Variants in EHBP1 observed in about 807,000 individuals in gnomAD.
The protein encoded by EHBP1 is EH domain binding protein 1.
EHBP1 carries 55 observed loss-of-function variants against 144.0 expected under a neutral mutation model. The observed-to-expected ratio is 0.38, with a 90% CI of 0.31 to 0.48. The LOEUF (loss-of-function observed/expected upper bound fraction) is 0.48. Ranked by LOEUF, EHBP1 falls within the 20% of genes least tolerant of loss-of-function variation. The pLI, the probability that EHBP1 is intolerant of heterozygous loss-of-function variation, is 0.98. For missense variants in EHBP1, 1,200 were observed against 1,364.2 expected (o/e 0.88, Z 1.90); for synonymous variants, 469 against 472.7 (o/e 0.99, Z 0.10).
chr2:62,875,443 A>G (rs2050814480), intron 10 of EHBP1, among the ~76,000 whole-genome samples: 1 of 152,246 alleles, frequency 6.6e-6, no homozygotes, highest in Non-Finnish European at 1.5e-5. Context: ...CTTATACCAT[A>G]GTCAAACCTT....
upstream of EHBP1, among the ~76,000 whole-genome samples, chr2:62,701,396 A>G (rs959748982): frequency 1.3e-5 from 2 of 152,168 alleles, no homozygotes; most frequent in East Asian, 1.9e-4. Flanking sequence ...GCACATCTCA[A>G]TTGGGACTAG....
At chr2:62,823,180 G>T (rs2046104923) in intron 5 of EHBP1, among the ~76,000 whole-genome samples, 1 of 151,874 alleles carries the variant, frequency 6.6e-6, no homozygotes, top group African/African-American at 2.4e-5. Flanking sequence ...TTTGTTTTTG[G>T]TTTTTAATAA....
chr2:62,831,545 A>G (rs552788338), intron 7 of EHBP1, among the ~76,000 whole-genome samples: 1 of 152,166 alleles, frequency 6.6e-6, no homozygotes, highest in Non-Finnish European at 1.5e-5. Context: ...TCATTTATTT[A>G]CTTGAATTAT....
chr2:62,829,719 G>A (rs1405649292), intron 6 of EHBP1, among the ~76,000 whole-genome samples: 3 of 144,686 alleles, frequency 2.1e-5, no homozygotes, highest in East Asian at 2.0e-4. Context: ...ATATAAATAC[G>A]TAATATTTAT....
intron 3 of EHBP1, among the ~76,000 whole-genome samples, chr2:62,747,883 G>C (rs1280814869): frequency 6.6e-6 from 1 of 152,000 alleles, no homozygotes; most frequent in African/African-American, 2.4e-5. Context: ...TTGATAGAGG[G>C]AGTTTGTTTC....
At chr2:62,679,866 G>T (rs1370850873) in intron 1 of EHBP1, among the ~76,000 whole-genome samples, 2 of 152,296 alleles carry the variant, frequency 1.3e-5, no homozygotes, top group Middle Eastern at 3.4e-3. Flanking sequence ...GAAAACCACA[G>T]CTAAGCTGAG....
At chr2:62,788,909 C>A (rs1348522489) in intron 5 of EHBP1, among the ~76,000 whole-genome samples, 1 of 152,112 alleles carries the variant, frequency 6.6e-6, no homozygotes, top group East Asian at 1.9e-4. Context: ...TCTGTGTTAC[C>A]ATATTTTAGC....
At chr2:62,837,766 G>T (rs1293295434) in intron 7 of EHBP1, among the ~76,000 whole-genome samples, 2 of 151,988 alleles carry the variant, frequency 1.3e-5, no homozygotes, top group African/African-American at 2.4e-5. Flanking sequence ...ATGGTAAAGG[G>T]ATCAATTCAA....
chr2:63,013,973 G>C (rs1442824582), intron 19 of EHBP1, among the ~76,000 whole-genome samples: 1 of 152,204 alleles, frequency 6.6e-6, no homozygotes, highest in Non-Finnish European at 1.5e-5. Flanking sequence ...AAAGATGAAT[G>C]ATTCTGTGTT....
intron 7 of EHBP1, among the ~76,000 whole-genome samples, chr2:62,847,717 A>G (rs1054069333): frequency 3.3e-5 from 5 of 152,212 alleles, no homozygotes; most frequent in African/African-American, 7.2e-5. Flanking sequence ...GTCATAGATT[A>G]GAAGAAAATA....
At chr2:62,747,374 A>G in intron 2 of EHBP1, 21 bp from the exon 3 acceptor site, 1 of 1,602,158 alleles carries the variant, frequency 6.2e-7, no homozygotes, top group Non-Finnish European at 8.5e-7. Context: ...AATTATGTTT[A>G]ACTTTTTTTT....
chr2:62,800,991 T>C (rs2043937231), intron 5 of EHBP1, among the ~76,000 whole-genome samples: 1 of 152,224 alleles, frequency 6.6e-6, no homozygotes, highest in African/African-American at 2.4e-5. Context: ...TATTAAGGAA[T>C]CAACCCTGGG....
chr2:62,881,418 G>GAAAAAA (rs371288881), intron 10 of EHBP1, among the ~76,000 whole-genome samples: 2 of 69,790 alleles, frequency 2.9e-5, no homozygotes, highest in African/African-American at 5.5e-5. Context: ...AGGAAAAACG[G>GAAAAAA]AAAAAAAAAA....
At chr2:62,757,800 A>G (rs1446215534) in intron 3 of EHBP1, among the ~76,000 whole-genome samples, 2 of 152,008 alleles carry the variant, frequency 1.3e-5, no homozygotes, top group South Asian at 2.1e-4. Flanking sequence ...TCAGTATATT[A>G]TCTATTTTTA....
intron 2 of EHBP1, among the ~76,000 whole-genome samples, chr2:62,724,875 G>A (rs184329761): frequency 1.3e-5 from 2 of 152,262 alleles, no homozygotes; most frequent in Non-Finnish European, 2.9e-5. Flanking sequence ...CTCATGCAAG[G>A]GATGTAACTT....
intron 3 of EHBP1, among the ~76,000 whole-genome samples, chr2:62,758,356 G>A (rs1351061087): frequency 3.3e-5 from 5 of 152,102 alleles, no homozygotes; most frequent in African/African-American, 4.8e-5. Context: ...TGAGCCGCCC[G>A]CCTCAGCCTC....
chr2:63,006,449 C>A (rs1433092675), intron 19 of EHBP1, among the ~76,000 whole-genome samples: 2 of 151,558 alleles, frequency 1.3e-5, no homozygotes, highest in African/African-American at 4.8e-5. Context: ...CTGTTTTTTC[C>A]ACTTCTACTT....
intron 5 of EHBP1, among the ~76,000 whole-genome samples, chr2:62,822,574 A>G (rs993759725): frequency 6.6e-6 from 1 of 152,190 alleles, no homozygotes; most frequent in Admixed American, 6.6e-5. Flanking sequence ...GGACATATTT[A>G]TAGGATGAGA....
chr2:62,919,923 G>T (rs879427173), intron 10 of EHBP1, among the ~76,000 whole-genome samples: 1 of 152,146 alleles, frequency 6.6e-6, no homozygotes, highest in Non-Finnish European at 1.5e-5. Flanking sequence ...GCAGGCAGAA[G>T]AGAGAATCAT....
Sources: gnomAD v4.1 joint callset for allele counts (sites outside exome capture counted in the v4.1 genomes callset) on GRCh38, gnomAD v4.1.1 for gene constraint, MANE v1.5 for transcripts, NCBI Gene and HGNC (gene_info 2026-07-23, HGNC 2026-07-21) for gene names.